The following TMEM223 variants were observed in gnomAD, a reference collection of about 807,000 sequenced individuals.
The protein encoded by TMEM223 is transmembrane protein 223.
In TMEM223, 14 loss-of-function variants were observed where a neutral mutation model predicts 14.1. The observed-to-expected ratio is 0.99, with a 90% CI of 0.66 to 1.55. The LOEUF (loss-of-function observed/expected upper bound fraction) is 1.55. Ranked by LOEUF, TMEM223 falls within the 40% of genes most tolerant of loss-of-function variation. The pLI, the probability that TMEM223 is intolerant of heterozygous loss-of-function variation, is 0.00. For missense variants in TMEM223, 346 were observed against 269.9 expected (o/e 1.28, Z -1.97); for synonymous variants, 145 against 120.5 (o/e 1.20, Z -1.33).
downstream of TMEM223, chr11:62,786,971 G>C (rs2084285672): frequency 4.1e-6 from 6 of 1,447,808 alleles, no homozygotes; most frequent in Non-Finnish European, 4.5e-6. Context: ...TCGGCCTCTG[G>C]GCCCGCCGCC....
At position 62,790,851 on chromosome 11, in the gene TMEM223, T is replaced by C; in HGVS notation, c.381A>G (p.Arg127=). 1 of 1,605,308 alleles carries C rather than the reference T, an allele frequency of 6.2e-7. No individual in the cohort carries two copies. The highest frequency in any genetic ancestry group is 8.5e-7 in the Non-Finnish European group (1 of 1,175,984). ...TGAGGGTCACCTGCTGCCCTCCAGC[T>C]CGAAGCACCACTGAGCGCACAGACC... ...SLRSVRSVVL[R]AGGQQVTLTT... is the part of the protein sequence containing the mutation. Residue 127 remains arginine (R), a synonymous_variant, in exon 2 of 2, where the codon CGA becomes CGG. Coordinates refer to ENST00000307366, the MANE Select transcript of TMEM223 (RefSeq NM_001080501.3).
At chr11:62,773,292 C>T (rs1216189349) in intron 2 of TMEM223, among the ~76,000 whole-genome samples, 1 of 151,626 alleles carries the variant, frequency 6.6e-6, no homozygotes, top group Non-Finnish European at 1.5e-5. Context: ...GGACTACAGG[C>T]GCGGACCACC....
intron 1 of TMEM223, 88 bp from the exon 2 acceptor site, chr11:62,791,003 T>G (rs1212379703): frequency 2.2e-6 from 3 of 1,382,240 alleles, no homozygotes; most frequent in Non-Finnish European, 9.6e-7. Flanking sequence ...AAGAAATTTG[T>G]GGGATGAAAG....
chr11:62,784,744 A>G (rs1305223437), downstream of TMEM223, among the ~76,000 whole-genome samples: 2 of 152,236 alleles, frequency 1.3e-5, no homozygotes, highest in Admixed American at 1.3e-4. Context: ...CAATCTTTAT[A>G]GTTCCATGAT....
At position 62,791,954 on chromosome 11, in the gene TMEM223, G is replaced by A. The variant is rs771984852; in HGVS notation, c.41C>T (p.Ala14Val). 8.2e-6 allele frequency: 13 copies of A among 1,581,400 alleles called. No homozygotes were observed. Among genetic ancestry groups the A allele is most frequent in the African/African-American group, 1.3e-5 (1 of 74,240 alleles). ...GCAGGTGAGCAGGGGCCGCAGCACGGCTAGCAGCCCCGTGGGCCATCGCCT... is the reference window on the plus strand; with the variant it reads ...GCAGGTGAGCAGGGGCCGCAGCACGACTAGCAGCCCCGTGGGCCATCGCCT... ...PWRRWPTGLL[A>V]VLRPLLTCRP... The change falls in exon 1 of 2, where the codon GCC becomes GTC. Residue 14 changes from alanine to valine, a missense_variant. By Grantham distance (64) the Ala-to-Val change is moderately conservative. Coordinates refer to ENST00000307366, the MANE Select transcript of TMEM223 (RefSeq NM_001080501.3).
rs1394346274 is a variant in TMEM223, at chr11:62,790,029, A to G, written c.*594T>C. The G allele has an allele frequency of 6.2e-7, 1 of 1,612,212 alleles. No individual in the cohort carries two copies. The highest frequency in any genetic ancestry group is 1.1e-5 in the South Asian group (1 of 90,930). ...CTGAGACAGATGCTCTCGTTGGGTC[A>G]CGCCTTTCCCATTCCTGAAGAATAA... On this transcript the variant is annotated 3_prime_UTR_variant, in exon 2 of 2. Coordinates refer to ENST00000307366, the MANE Select transcript of TMEM223 (RefSeq NM_001080501.3).
intron 1 of TMEM223, chr11:62,778,982 G>A (rs1565187949): frequency 1.9e-6 from 3 of 1,558,500 alleles, no homozygotes; most frequent in Non-Finnish European, 1.8e-6. Context: ...GTGGGCCCAA[G>A]TTGGGGCACA....
At chr11:62,774,585 G>C (rs546703572) in intron 2 of TMEM223, 4 of 454,734 alleles carry the variant, frequency 8.8e-6, no homozygotes, top group South Asian at 6.2e-5. Context: ...TTTGGCGCAC[G>C]GGAGCCTACC....
At chr11:62,789,429 A>C (rs764097050), downstream of TMEM223, 1 of 1,613,700 alleles carries the variant, frequency 6.2e-7, no homozygotes, top group East Asian at 2.2e-5. Context: ...ACAATTAGGT[A>C]ATGGGAGAGG....
downstream of TMEM223, chr11:62,787,060 G>A (rs1176769649): frequency 6.6e-7 from 1 of 1,525,158 alleles, no homozygotes; most frequent in Non-Finnish European, 8.7e-7. Flanking sequence ...CGGCACCCGC[G>A]ACGTTTTCCA....
chr11:62,787,499 TGGCG>T, downstream of TMEM223: 1 of 1,578,878 alleles, frequency 6.3e-7, no homozygotes, highest in Non-Finnish European at 8.5e-7. Context: ...TGCGGGGCCG[TGGCG>T]GCCGCGGCGA....
chr11:62,777,874 T>C (rs633742), intron 1 of TMEM223: 287,988 of 1,383,038 alleles, frequency 0.21, 30,796 homozygotes, highest in East Asian at 0.34. Flanking sequence ...CTGGACTTCC[T>C]TCAAACGTGG....
rs1294367864 is a variant in TMEM223, at chr11:62,779,976, A to ATATTTTTTT, written c.315-5312_315-5311insAAAAAAATA. On this transcript the variant is annotated intron_variant, in intron 1 of 2. Coordinates refer to the TMEM223 transcript ENST00000528367. ...CCTATATATATATATATATATATAT[A>ATATTTTTTT]TTTTTTTTTTTTTTTTTTTTAGAGA... Among the ~76,000 whole-genome samples, 5 of 52,632 alleles carry ATATTTTTTT rather than the reference A, an allele frequency of 9.5e-5. 1 individual carries two copies. Among genetic ancestry groups the ATATTTTTTT allele is most frequent in the African/African-American group, 3.9e-4 (5 of 12,944 alleles). The allele number at this position is 52,632 out of a possible 152,430, so 34.5% of individuals were successfully genotyped here.
At chr11:62,791,443 GA>G (rs1168291478) in intron 1 of TMEM223, among the ~76,000 whole-genome samples, 2 of 152,128 alleles carry the variant, frequency 1.3e-5, no homozygotes, top group Non-Finnish European at 2.9e-5. Flanking sequence ...ATTTTTAGTA[GA>G]CACAGGGTTT....
rs1345348702 is a variant in TMEM223 at position 62,791,696 on chromosome 11, A to G, written c.299T>C (p.Val100Ala). Residue 100 changes from valine to alanine, a missense_variant, in exon 1 of 2, where the codon GTC (valine) becomes GCC (alanine). By Grantham distance (64) the Val-to-Ala change is moderately conservative. Transcript: ENST00000307366. The part of the protein sequence containing the change: ...RSALWRYGLA[V>A]GCGAIGALVL... ...CGTCTTACCGATGGCGCCGCAGCCG[A>G]CGGCCAGACCGTAGCGCCAGAGCGC... The G allele has an allele frequency of 2.6e-6, 4 of 1,540,276 alleles. No homozygotes were observed. Among genetic ancestry groups the G allele is most frequent in the Non-Finnish European group, 3.5e-6 (4 of 1,142,244 alleles).
downstream of TMEM223, chr11:62,786,194 G>A: frequency 6.4e-7 from 1 of 1,554,146 alleles, no homozygotes; most frequent in Admixed American, 1.7e-5. Context: ...TCTTTCATGG[G>A]AAAGGGTCCT....
chr11:62,789,339 T>A, downstream of TMEM223: 1 of 1,613,988 alleles, frequency 6.2e-7, no homozygotes, highest in Non-Finnish European at 8.5e-7. Flanking sequence ...GCTATAGCCG[T>A]CTTCCTGGTC....
intron 1 of TMEM223, among the ~76,000 whole-genome samples, chr11:62,774,989 G>C (rs965950805): frequency 6.6e-6 from 1 of 151,582 alleles, no homozygotes; most frequent in Non-Finnish European, 1.5e-5. Context: ...ACTTGAACCC[G>C]GGAGGCGGAG....
At chr11:62,787,737 C>T, downstream of TMEM223, 1 of 682,504 alleles carries the variant, frequency 1.5e-6, no homozygotes, top group Non-Finnish European at 2.5e-6. Context: ...GTTGTCCCCT[C>T]GCCAAAGGGA....
Sources: allele counts gnomAD v4.1 joint callset (sites outside exome capture counted in the v4.1 genomes callset), GRCh38; gene constraint gnomAD v4.1.1; transcripts MANE v1.5; gene names NCBI Gene and HGNC (gene_info 2026-07-23, HGNC 2026-07-21).